Variants in CHN2 observed in about 807,000 individuals in gnomAD.
CHN2 encodes the protein chimerin 2, also known as beta-chimaerin.
In CHN2, 35 loss-of-function variants were observed where a neutral mutation model predicts 56.3. The ratio of observed to expected loss-of-function variants is 0.62; its 90% CI spans 0.47 to 0.82. CHN2 has a LOEUF of 0.82. Among genes scored for constraint, CHN2 ranks in the 40% least tolerant of loss-of-function variants. CHN2 has a pLI of 0.00. For missense variants in CHN2, 491 were observed against 580.5 expected (o/e 0.85, Z 1.58); for synonymous variants, 210 against 212.8 (o/e 0.99, Z 0.12).
At chr7:29,323,160 T>TC (rs1205595392) in intron 1 of CHN2, among the ~76,000 whole-genome samples, 17 of 135,144 alleles carry the variant, frequency 1.3e-4, no homozygotes, top group South Asian at 2.8e-4. Context: ...TCCCCCCCGT[T>TC]CCCCCCCAAC....
chr7:29,353,115 A>G (rs1309210285), intron 1 of CHN2, among the ~76,000 whole-genome samples: 1 of 152,164 alleles, frequency 6.6e-6, no homozygotes, highest in Non-Finnish European at 1.5e-5. Flanking sequence ...GTTCTTGACA[A>G]TTCAAGCCTA....
chr7:29,197,968 A>G, intron 1 of CHN2: 1 of 456,330 alleles, frequency 2.2e-6, no homozygotes, highest in Non-Finnish European at 4.4e-6. Context: ...GAGCTTAGGT[A>G]AAGGCCTGGA....
chr7:29,293,734 A>G lies in CHN2; in HGVS notation c.50-60891A>G, dbSNP rs530421954. Among the ~76,000 whole-genome samples, 8 of 151,934 alleles carry G rather than the reference A, an allele frequency of 5.3e-5. No individual in the cohort carries two copies. In the East Asian group the frequency reaches 1.4e-3, roughly 26 times the overall value. ...CACGTACTTGAAAGGCACAGGTGCT[A>G]CCTGCGCTCCTTTCCCACACTGTTT... On this transcript the variant is annotated intron_variant, in intron 1 of 12. Coordinates refer to ENST00000222792, the MANE Select transcript of CHN2 (RefSeq NM_004067.4).
chr7:29,427,461 T>A (rs1804977965), intron 6 of CHN2, among the ~76,000 whole-genome samples: 1 of 152,004 alleles, frequency 6.6e-6, no homozygotes, highest in Non-Finnish European at 1.5e-5. Context: ...GGGGAGTAAC[T>A]TTAGGTGTCA....
chr7:29,499,022 A>C (rs1323840929), intron 8 of CHN2, among the ~76,000 whole-genome samples: 1 of 152,052 alleles, frequency 6.6e-6, no homozygotes, highest in Non-Finnish European at 1.5e-5. Flanking sequence ...GGCCTCCCAA[A>C]GTGCTGGGAT....
intron 2 of CHN2, among the ~76,000 whole-genome samples, chr7:29,183,081 CTTTTTT>C (rs34942216): frequency 1.5e-5 from 2 of 131,904 alleles, no homozygotes; most frequent in African/African-American, 2.9e-5. Context: ...ACATGGCAGA[CTTTTTT>C]TTTTTTTTTT....
At chr7:29,298,282 C>T (rs529145161) in intron 1 of CHN2, among the ~76,000 whole-genome samples, 3 of 152,292 alleles carry the variant, frequency 2.0e-5, no homozygotes, top group East Asian at 1.9e-4. Context: ...GCTCTGTTAA[C>T]CTAGGTTACT....
chr7:29,271,248 G>A (rs79239909), intron 1 of CHN2, among the ~76,000 whole-genome samples: 1 of 152,110 alleles, frequency 6.6e-6, no homozygotes, highest in African/African-American at 2.4e-5. Flanking sequence ...CCAACAGTCC[G>A]GAGACAAGTT....
chr7:29,320,557 A>G (rs537475437), intron 1 of CHN2, among the ~76,000 whole-genome samples: 16 of 152,236 alleles, frequency 1.1e-4, no homozygotes, highest in Non-Finnish European at 2.4e-4. Flanking sequence ...CAAAACCAAC[A>G]GAGCAATTTC....
At chr7:29,452,974 A>G (rs758167756) in intron 6 of CHN2, among the ~76,000 whole-genome samples, 1 of 152,208 alleles carries the variant, frequency 6.6e-6, no homozygotes, top group Non-Finnish European at 1.5e-5. Flanking sequence ...TCTCTTTCAC[A>G]TGACTTTTGA....
intron 6 of CHN2, among the ~76,000 whole-genome samples, chr7:29,472,295 A>G (rs1400936685): frequency 1.3e-5 from 2 of 149,738 alleles, no homozygotes; most frequent in Non-Finnish European, 1.5e-5. Flanking sequence ...ACACACACAC[A>G]CACGCACACA....
At chr7:29,147,110 G>A (rs1325551674) in intron 2 of CHN2, 2 of 1,073,974 alleles carry the variant, frequency 1.9e-6, no homozygotes, top group Non-Finnish European at 2.6e-6. Context: ...CCCATCCAGG[G>A]TCACATTGCT....
At position 29,442,934 on chromosome 7, in the gene CHN2, C is replaced by CTTTTTTTTT. The variant is rs541792526; in HGVS notation, c.577-37336_577-37328dup. ...CATCGCTTTCAATTTCATTGAATTT[C>CTTTTTTTTT]TTTTTTTTTTTTTTTTTGAGACGGA... is the stretch of plus-strand genomic sequence containing the variant. On this transcript the variant is annotated intron_variant, in intron 6 of 12. Transcript: ENST00000222792. Among the ~76,000 whole-genome samples the CTTTTTTTTT allele has an allele frequency of 1.1e-4, 11 of 103,068 alleles. 2 individuals carry two copies. Among genetic ancestry groups the CTTTTTTTTT allele is most frequent in the African/African-American group, 3.8e-4 (8 of 21,038 alleles). The allele number at this position is 103,068 out of a possible 152,430, so 67.6% of individuals were successfully genotyped here.
At position 29,398,436 on chromosome 7, in the gene CHN2, C is replaced by T; in HGVS notation, c.240C>T (p.Tyr80=). The change falls in exon 5 of 13, where the codon TAC becomes TAT. Residue 80 remains tyrosine, a synonymous_variant. Transcript: ENST00000222792. ...DELLGGVEGA[Y]ILRESQRQPG... is the part of the protein sequence containing the mutation. The stretch of plus-strand genomic sequence containing the variant: ...TTCTTGGAGGCGTGGAGGGTGCCTA[C>T]ATCCTTAGAGAAAGCCAGCGGCAAC... 1 of 1,613,718 alleles carries T rather than the reference C, an allele frequency of 6.2e-7. No individual in the cohort carries two copies. Among genetic ancestry groups the T allele is most frequent in the Non-Finnish European group, 8.5e-7 (1 of 1,180,008 alleles).
At chr7:29,346,461 C>A (rs1428564042) in intron 1 of CHN2, among the ~76,000 whole-genome samples, 1 of 152,186 alleles carries the variant, frequency 6.6e-6, no homozygotes, top group African/African-American at 2.4e-5. Flanking sequence ...CCCAACTTCC[C>A]TGGAAGAAGC....
rs74596878 is a variant in CHN2, at chr7:29,231,997, C to G, written c.49+37007C>G. On this transcript the variant is annotated intron_variant, in intron 1 of 12. Coordinates refer to ENST00000222792, the MANE Select transcript of CHN2 (RefSeq NM_004067.4). ...AAACCGCTTTTCCTTACACAAACAG[C>G]AACAACTTTTCCCTCCAGTGTCTTT... Among the ~76,000 whole-genome samples, 472 of 152,274 alleles carry G rather than the reference C, an allele frequency of 3.1e-3. 1 individual carries two copies. Among genetic ancestry groups the G allele is most frequent in the Non-Finnish European group, 5.8e-3 (395 of 68,016 alleles).
At chr7:29,163,782 CAATTAT>C (rs1795522110) in intron 2 of CHN2, among the ~76,000 whole-genome samples, 1 of 152,152 alleles carries the variant, frequency 6.6e-6, no homozygotes, top group Non-Finnish European at 1.5e-5. Context: ...TAAATAAATA[CAATTAT>C]ATTAATTGGT....
At chr7:29,252,585 T>TTGTTTTGTTTTG (rs1384909146) in intron 1 of CHN2, among the ~76,000 whole-genome samples, 2 of 23,092 alleles carry the variant, frequency 8.7e-5, no homozygotes, top group East Asian at 1.8e-3. Flanking sequence ...TTTGTTTTTT[T>TTGTTTTGTTTTG]TTTTTTTTTT....
At chr7:29,393,424 GT>G (rs1290845482) in intron 3 of CHN2, among the ~76,000 whole-genome samples, 1 of 152,098 alleles carries the variant, frequency 6.6e-6, no homozygotes, top group Non-Finnish European at 1.5e-5. Flanking sequence ...GCATCGCTTT[GT>G]TTTTGTTGAA....
Sources: gnomAD v4.1 joint callset for allele counts (sites outside exome capture counted in the v4.1 genomes callset) on GRCh38, gnomAD v4.1.1 for gene constraint, MANE v1.5 for transcripts, NCBI Gene and HGNC (gene_info 2026-07-23, HGNC 2026-07-21) for gene names.